Variants in PTGER3 observed in about 807,000 individuals in gnomAD.
The protein encoded by PTGER3 is prostaglandin E2 receptor EP3 subtype.
In PTGER3, 22 loss-of-function variants were observed where a neutral mutation model predicts 34.7. The observed-to-expected ratio is 0.63, with a 90% confidence interval of 0.45 to 0.91. The LOEUF (loss-of-function observed/expected upper bound fraction) is 0.91, where lower values mean the gene tolerates loss of function less well. PTGER3 is among the 40% of genes least tolerant of loss of function. PTGER3 has a pLI of 0.00. For missense variants in PTGER3, 468 were observed against 519.4 expected (o/e 0.90, Z 0.96); for synonymous variants, 241 against 230.1 (o/e 1.05, Z -0.43).
chr1:71,005,650 G>A (rs1656890162), intron 2 of PTGER3, among the ~76,000 whole-genome samples: 1 of 152,132 alleles, frequency 6.6e-6, no homozygotes, highest in South Asian at 2.1e-4. Flanking sequence ...GAAAGAGCAA[G>A]CCTGCAGAAG....
At position 70,873,296 on chromosome 1, in the gene PTGER3, A is replaced by T. The variant is rs1399389168; in HGVS notation, c.*24-20437T>A. Among the ~76,000 whole-genome samples, 3 of 152,204 alleles carry T rather than the reference A, an allele frequency of 2.0e-5. No homozygotes were observed. In the East Asian group the frequency reaches 5.8e-4, roughly 29 times the overall value. ...AGTTTGGTCTGAATAGGTATGGTCC[A>T]TTGATGGAACATAATGAGCTTTGAT... On this transcript the variant is annotated intron_variant, in intron 4 of 4. Coordinates refer to the PTGER3 transcript ENST00000370931.
chr1:71,007,135 AG>A, intron 2 of PTGER3: 1 of 985,660 alleles, frequency 1.0e-6, no homozygotes. Flanking sequence ...ATGGATGCTG[AG>A]GAGGAGAGGT....
In PTGER3 at chr1:70,899,999, T is replaced by C. The variant is rs190846069; in HGVS notation, c.*24-47140A>G. ...AGCAACCTGTGAGTTATAAGGATTC[T>C]GAAAACACCTCAGCCACACTTCAGT... On this transcript the variant is annotated intron_variant, in intron 4 of 4. Coordinates refer to the PTGER3 transcript ENST00000370931. 9.9e-5 allele frequency among the ~76,000 whole-genome samples: 15 copies of C among 152,260 alleles called. No individual in the cohort carries two copies. In the East Asian group the frequency reaches 2.5e-3, roughly 26 times the overall value.
At chr1:70,880,392 T>C (rs1302063195) in intron 4 of PTGER3, among the ~76,000 whole-genome samples, 2 of 151,626 alleles carry the variant, frequency 1.3e-5, no homozygotes, top group Non-Finnish European at 2.9e-5. Flanking sequence ...CTTTTTTTTT[T>C]TTTTAAGAAT....
intron 4 of PTGER3, among the ~76,000 whole-genome samples, chr1:70,915,865 C>T (rs1282869848): frequency 6.6e-6 from 1 of 151,736 alleles, no homozygotes; most frequent in Non-Finnish European, 1.5e-5. Flanking sequence ...GAAGCAATTG[C>T]AACGAAAACA....
intron 2 of PTGER3, chr1:71,006,813 AAG>A: frequency 1.0e-6 from 1 of 985,430 alleles, no homozygotes; most frequent in Non-Finnish European, 1.2e-6. Flanking sequence ...GTTATAGGTA[AAG>A]TATTCCTGAC....
At chr1:70,909,451 A>G (rs1011758813) in intron 4 of PTGER3, among the ~76,000 whole-genome samples, 2 of 152,240 alleles carry the variant, frequency 1.3e-5, no homozygotes, top group African/African-American at 4.8e-5. Flanking sequence ...ATCAAGCTAT[A>G]TATGAATTTA....
chr1:70,910,729 A>T (rs1200750182), intron 4 of PTGER3, among the ~76,000 whole-genome samples: 2 of 152,244 alleles, frequency 1.3e-5, no homozygotes, highest in Non-Finnish European at 2.9e-5. Flanking sequence ...AAAACAGAAG[A>T]AACAAATTAA....
intron 4 of PTGER3, among the ~76,000 whole-genome samples, chr1:70,927,132 C>G (rs539116984): frequency 2.0e-5 from 3 of 152,344 alleles, no homozygotes; most frequent in Admixed American, 1.3e-4. Flanking sequence ...GGATATTGGT[C>G]TAAAATTCTC....
At chr1:70,989,023 G>A (rs879234425) in intron 2 of PTGER3, among the ~76,000 whole-genome samples, 5 of 152,008 alleles carry the variant, frequency 3.3e-5, no homozygotes, top group Admixed American at 3.3e-4. Context: ...CAAATTGTTT[G>A]CATGTAATTC....
Position 71,047,337 on chromosome 1 carries a change from C to G in PTGER3, c.241G>C (p.Glu81Gln), listed in dbSNP as rs201372975. The G allele has an allele frequency of 1.9e-6, 3 of 1,607,744 alleles. No homozygotes were observed. Among genetic ancestry groups the G allele is most frequent in the African/African-American group, 2.7e-5 (2 of 75,026 alleles). ...LLVSRSYRRR[E>Q]SKRKKSFLLC... ...AGGAAGGACTTCTTGCGCTTGCTCT[C>G]CCGGCGCCGGTAGCTGCGCGACACG... Residue 81 changes from glutamate (E) to glutamine (Q), a missense_variant, in exon 1 of 4, where the codon GAG becomes CAG. Around this residue, in one of 5 missense-constraint regions of PTGER3, gnomAD observed 151 missense variants for 133.5 expected, o/e 1.13. Transcript: ENST00000306666.
intron 2 of PTGER3, chr1:71,006,206 T>A (rs1656947617): frequency 2.0e-6 from 2 of 985,290 alleles, no homozygotes; most frequent in Non-Finnish European, 2.4e-6. Context: ...GACAATAAGA[T>A]CTGGTCCTAG....
intron 1 of PTGER3, among the ~76,000 whole-genome samples, chr1:71,018,872 A>G (rs567422068): frequency 1.3e-5 from 2 of 152,174 alleles, no homozygotes; most frequent in Non-Finnish European, 2.9e-5. Context: ...TGATTCTGAA[A>G]TTATAAAATC....
At position 70,996,292 on chromosome 1, in the gene PTGER3, C is replaced by T. The variant is rs1319524846; in HGVS notation, c.1077+16013G>A. 3.3e-5 allele frequency among the ~76,000 whole-genome samples: 5 copies of T among 151,676 alleles called. No individual in the cohort carries two copies. The East Asian group carries it at 9.6e-4, about 29-fold the overall frequency. On this transcript the variant is annotated intron_variant, in intron 2 of 3. Transcript: ENST00000306666. ...ATAGTTAAGTAGTAATTAGGCTTGA[C>T]TTACCTAAAAAAAAAATACCCATTC... is the stretch of plus-strand genomic sequence containing the variant.
intron 4 of PTGER3, among the ~76,000 whole-genome samples, chr1:70,894,561 C>T (rs1043255132): frequency 6.6e-6 from 1 of 151,760 alleles, no homozygotes; most frequent in African/African-American, 2.4e-5. Flanking sequence ...CATTTTTTTT[C>T]CCAAAAAGTA....
At chr1:70,955,509 G>A (rs894724217) in intron 2 of PTGER3, among the ~76,000 whole-genome samples, 1 of 152,016 alleles carries the variant, frequency 6.6e-6, no homozygotes, top group Non-Finnish European at 1.5e-5. Context: ...AAGGAAGAAG[G>A]GAAGGAAGAT....
rs1660870095 is a variant in PTGER3, at chr1:71,046,843, G to C, written c.735C>G (p.Thr245=). ...TAATGGTGGCCAGGTTGCAGGAAAAGGTGACTGTCAGCGCCAAGAGCCCCA... is the reference window on the plus strand; with the variant it reads ...TAATGGTGGCCAGGTTGCAGGAAAACGTGACTGTCAGCGCCAAGAGCCCCA... The part of the protein sequence containing the change: ...AFLGLLALTV[T]FSCNLATIKA... The change falls in exon 1 of 4, where the codon ACC becomes ACG. Residue 245 remains threonine, a synonymous_variant. Coordinates refer to ENST00000306666, the MANE Select transcript of PTGER3 (RefSeq NM_198719.2). 6.2e-7 allele frequency: 1 copy of C among 1,614,112 alleles called. No homozygotes were observed. The highest frequency in any genetic ancestry group is 8.5e-7 in the Non-Finnish European group (1 of 1,180,038).
chr1:71,008,246 C>G, intron 2 of PTGER3: 1 of 928,548 alleles, frequency 1.1e-6, no homozygotes, highest in East Asian at 1.2e-4. Context: ...CTGATTGATA[C>G]AAAGCTTCTG....
downstream of PTGER3, among the ~76,000 whole-genome samples, chr1:70,967,961 G>A (rs912130456): frequency 2.0e-5 from 3 of 152,022 alleles, no homozygotes; most frequent in Non-Finnish European, 2.9e-5. Context: ...ACCTTCTGAC[G>A]GAAGCCAAAG....
Sources: allele counts gnomAD v4.1 joint callset (sites outside exome capture counted in the v4.1 genomes callset), GRCh38; gene constraint gnomAD v4.1.1; regional missense constraint gnomAD v4.1.1; transcripts MANE v1.5; gene names NCBI Gene and HGNC (gene_info 2026-07-23, HGNC 2026-07-21).